The following GREB1 variants were observed in gnomAD, a reference collection of about 807,000 sequenced individuals.
GREB1 encodes the protein protein GREB1.
In GREB1, 106 loss-of-function variants were observed where a neutral mutation model predicts 200.7. That is an observed-to-expected ratio of 0.53 (90% CI 0.45 to 0.62). GREB1 has a LOEUF of 0.62. Ranked by LOEUF, GREB1 falls within the 20% of genes least tolerant of loss-of-function variation. The pLI, the probability that GREB1 is intolerant of heterozygous loss-of-function variation, is 0.00. For synonymous variants in GREB1, 1,132 were observed against 1,092.4 expected, an observed-to-expected ratio of 1.04 and a Z score of -0.72; for missense variants, 2,243 against 2,556.8, an observed-to-expected ratio of 0.88 and a Z score of 2.65.
chr2:11,579,675 A>T (rs1679258907), intron 6 of GREB1, among the ~76,000 whole-genome samples: 1 of 152,190 alleles, frequency 6.6e-6, no homozygotes, highest in Admixed American at 6.5e-5. Context: ...CTGGCTTCAG[A>T]GCCAGCCTCT....
Position 11,597,064 on chromosome 2 carries a change from G to A in GREB1, c.1955-717G>A, listed in dbSNP as rs796323762. On this transcript the variant is annotated intron_variant, in intron 13 of 32. Coordinates refer to ENST00000381486, the MANE Select transcript of GREB1 (RefSeq NM_014668.4). The surrounding 1 kb of genome is among the most constrained non-coding windows in gnomAD (Gnocchi z 4.1). ...GTGTGCACCGTGAGAGAGGGCAGTG[G>A]GCACAGGTGTGCTAAGTGGGTGCTG... 6.6e-5 allele frequency among the ~76,000 whole-genome samples: 10 copies of A among 152,152 alleles called. No individual in the cohort carries two copies. The highest frequency in any genetic ancestry group is 2.2e-4 in the African/African-American group (9 of 41,480).
chr2:11,547,941 G>A (rs1675441079), intron 1 of GREB1, among the ~76,000 whole-genome samples: 1 of 152,132 alleles, frequency 6.6e-6, no homozygotes, highest in South Asian at 2.1e-4. Context: ...AAGTGCTTTG[G>A]GAGGCCGAGG....
chr2:11,635,012 G>C (rs889461016), intron 29 of GREB1, among the ~76,000 whole-genome samples: 1 of 152,194 alleles, frequency 6.6e-6, no homozygotes, highest in East Asian at 1.9e-4. Context: ...TGGTCACCAC[G>C]GGCAGTGCTT....
rs571740557 is a variant in GREB1, at chr2:11,598,915, A to T, written c.2333+55A>T. The T allele has an allele frequency of 8.4e-6, 12 of 1,429,622 alleles. No individual in the cohort carries two copies. The African/African-American group carries it at 1.5e-4, about 18-fold the overall frequency. 88.6% of individuals were successfully genotyped at this position (1,429,622 alleles called of 1,614,324 possible). ...ACATTTTCCTTCTTTGAAGTGATGT[A>T]TGTGGATGTTCCCGGGGGCTGAGGG... On this transcript the variant is annotated intron_variant, in intron 15 of 32. Coordinates refer to ENST00000381486, the MANE Select transcript of GREB1 (RefSeq NM_014668.4).
At chr2:11,575,616 C>T (rs1309124431) in intron 4 of GREB1, among the ~76,000 whole-genome samples, 4 of 152,166 alleles carry the variant, frequency 2.6e-5, no homozygotes, top group African/African-American at 4.8e-5. Flanking sequence ...TGCTAAGCCA[C>T]GGAATTCACT....
intron 32 of GREB1, among the ~76,000 whole-genome samples, chr2:11,639,155 T>G (rs938745134): frequency 2.6e-5 from 4 of 152,216 alleles, no homozygotes; most frequent in African/African-American, 7.2e-5. Flanking sequence ...AGTGGCACGA[T>G]CTTAGCTCAC....
intron 22 of GREB1, 143 bp downstream of exon 22, chr2:11,619,062 G>A (rs1359942168): frequency 8.1e-6 from 7 of 859,012 alleles, no homozygotes; most frequent in Non-Finnish European, 1.0e-5. Context: ...ATGGCCTGGG[G>A]TGGACCGGAG....
At chr2:11,556,004 T>A (rs1207148954) in intron 1 of GREB1, among the ~76,000 whole-genome samples, 1 of 152,196 alleles carries the variant, frequency 6.6e-6, no homozygotes, top group African/African-American at 2.4e-5. Flanking sequence ...CCTCTGTGAT[T>A]TCCAGGTTTT....
At chr2:11,554,076 C>G (rs1044730047) in intron 1 of GREB1, among the ~76,000 whole-genome samples, 2 of 152,138 alleles carry the variant, frequency 1.3e-5, no homozygotes, top group African/African-American at 4.8e-5. Context: ...GGCTGGCAAC[C>G]CCTCAGTCAC....
At chr2:11,554,376 G>A (rs1676229808) in intron 1 of GREB1, among the ~76,000 whole-genome samples, 1 of 152,208 alleles carries the variant, frequency 6.6e-6, no homozygotes, top group African/African-American at 2.4e-5. Context: ...TCTTACAATA[G>A]GGGCGGGAAA....
Position 11,610,754 on chromosome 2 carries a change from G to A in GREB1, c.2733G>A (p.Leu911=), listed in dbSNP as rs762186200. 6.2e-7 allele frequency: 1 copy of A among 1,613,572 alleles called. No individual in the cohort carries two copies. ...FVLVQHYAAA[L]MAVSGLPQMK... ...TCGTGCAGCACTACGCGGCCGCCCT[G>A]ATGGCCGTAAGCGGCCTCCCGCAGA... The change falls in exon 18 of 33, where the codon CTG becomes CTA. Residue 911 remains leucine, a synonymous_variant. Transcript: ENST00000381486.
intron 1 of GREB1, among the ~76,000 whole-genome samples, chr2:11,511,984 A>G (rs537480640): frequency 3.7e-4 from 57 of 152,222 alleles, no homozygotes; most frequent in Non-Finnish European, 6.5e-4. Flanking sequence ...CTGAAAAAAA[A>G]TCTCGGTCCA....
At chr2:11,605,413 A>T (rs1558621755) in intron 17 of GREB1, among the ~76,000 whole-genome samples, 3 of 151,546 alleles carry the variant, frequency 2.0e-5, no homozygotes, top group Non-Finnish European at 2.9e-5. Flanking sequence ...TTTAGTAGAG[A>T]CGGGGTTTCA....
chr2:11,625,199 C>T lies in GREB1; in HGVS notation c.4193C>T (p.Pro1398Leu). ...SDWHYLQLSD[P>L]WPDLELFKKL... is the part of the protein sequence containing the mutation. Reference sequence around the variant, plus strand: ...TGGCATTATCTCCAGCTTAGCGACCCCTGGCCAGACCTGGAGCTGTTCAAG... The same window carrying T: ...TGGCATTATCTCCAGCTTAGCGACCTCTGGCCAGACCTGGAGCTGTTCAAG... The change falls in exon 24 of 33, where the codon CCC becomes CTC. Residue 1398 changes from proline (P) to leucine (L), a missense_variant. Pro to Leu is a moderately conservative substitution (Grantham distance 98). Around this residue, in one of 3 missense-constraint regions of GREB1, gnomAD observed 587 missense variants for 553.1 expected, o/e 1.06. Transcript: ENST00000381486. The T allele has an allele frequency of 1.9e-6, 3 of 1,613,868 alleles. No homozygotes were observed. Among genetic ancestry groups the T allele is most frequent in the Non-Finnish European group, 1.7e-6 (2 of 1,179,736 alleles).
At chr2:11,524,820 AAAAGCTTGATT>A (rs1673818984) in intron 1 of GREB1, among the ~76,000 whole-genome samples, 1 of 152,196 alleles carries the variant, frequency 6.6e-6, no homozygotes, top group Non-Finnish European at 1.5e-5. Flanking sequence ...GTACCTGGCT[AAAAGCTTGATT>A]TCCTAGGGTC....
At chr2:11,638,297 C>T (rs1413650601) in intron 31 of GREB1, among the ~76,000 whole-genome samples, 5 of 152,180 alleles carry the variant, frequency 3.3e-5, no homozygotes, top group Admixed American at 6.5e-5. Context: ...CATGCTACCA[C>T]GCCTGGCTAA....
chr2:11,585,101 T>A (rs2148116377), intron 7 of GREB1, 60 bp from the exon 8 acceptor site: 2 of 856,408 alleles, frequency 2.3e-6, no homozygotes, highest in Admixed American at 3.5e-5. Context: ...AAACCAAGGG[T>A]AAATTTTATT....
In GREB1 at chr2:11,631,978, C is replaced by T; in HGVS notation, c.4681C>T (p.Leu1561=). ...TGRHEHGLFN[L]YHAMDGASHL... is the part of the protein sequence containing the mutation. ...CCGTCACGAACATGGGCTCTTTAAT[C>T]TGTACCACGCAATGGACGGTGCCAG... is the stretch of plus-strand genomic sequence containing the variant. Residue 1561 remains leucine, a synonymous_variant, in exon 27 of 33, where the codon CTG becomes TTG. Coordinates refer to ENST00000381486, the MANE Select transcript of GREB1 (RefSeq NM_014668.4). 1 of 1,614,154 alleles carries T rather than the reference C, an allele frequency of 6.2e-7. No homozygotes were observed. The highest frequency in any genetic ancestry group is 2.2e-5 in the East Asian group (1 of 44,878).
In GREB1 at chr2:11,612,598, A is replaced by G; in HGVS notation, c.3110A>G (p.Glu1037Gly). 6.2e-7 allele frequency: 1 copy of G among 1,609,148 alleles called. No individual in the cohort carries two copies. Among genetic ancestry groups the G allele is most frequent in the Non-Finnish European group, 8.5e-7 (1 of 1,177,138 alleles). Residue 1037 changes from glutamate to glycine, a missense_variant, in exon 19 of 33, where the codon GAG (glutamate) becomes GGG (glycine). By Grantham distance (98) the Glu-to-Gly change is moderately conservative. Coordinates refer to ENST00000381486, the MANE Select transcript of GREB1 (RefSeq NM_014668.4). The stretch of plus-strand genomic sequence containing the variant: ...TTCAGTGGGATGGACCCGCATGGGG[A>G]GTCCTTGCCGAGGTGAGTGGAGGGG... ...LIFSGMDPHG[E>G]SLPRSLRYCD...
Sources: allele counts gnomAD v4.1 joint callset (sites outside exome capture counted in the v4.1 genomes callset), GRCh38; gene constraint gnomAD v4.1.1; regional missense constraint gnomAD v4.1.1; non-coding constraint Gnocchi (gnomAD v3.1); transcripts MANE v1.5; gene names NCBI Gene and HGNC (gene_info 2026-07-23, HGNC 2026-07-21).